KCNIP4: variants seen among roughly 807,000 people sequenced by gnomAD.
KCNIP4 encodes the protein potassium voltage-gated channel interacting protein 4.
KCNIP4 carries 12 observed loss-of-function variants against 34.0 expected under a neutral mutation model. The ratio of observed to expected loss-of-function variants is 0.35; its 90% CI spans 0.23 to 0.57. KCNIP4 has a LOEUF of 0.57. Ranked by LOEUF, KCNIP4 falls within the 20% of genes least tolerant of loss-of-function variation. The probability of loss-of-function intolerance (pLI) is 0.83; values close to 1 mark genes in which losing one functional copy is unlikely to be tolerated. For synonymous variants in KCNIP4, 124 were observed against 102.2 expected, an observed-to-expected ratio of 1.21 and a Z score of -1.29; for missense variants, 238 against 311.7, an observed-to-expected ratio of 0.76 and a Z score of 1.78.
intron 1 of KCNIP4, among the ~76,000 whole-genome samples, chr4:21,806,246 T>G (rs1459279): frequency 2.5e-4 from 38 of 152,292 alleles, no homozygotes; most frequent in African/African-American, 8.9e-4. Flanking sequence ...CATTGTGTCA[T>G]GTAGCATCAC....
chr4:21,866,801 G>C (rs1013302870), intron 1 of KCNIP4, among the ~76,000 whole-genome samples: 1 of 111,542 alleles, frequency 9.0e-6, no homozygotes, highest in Non-Finnish European at 1.7e-5. Flanking sequence ...ATGGAGTCTC[G>C]CTCTGTCGCC....
rs955771191 is a variant in KCNIP4 at position 21,412,180 on chromosome 4, C to T, written c.62-529471G>A. ...AGCCTCTAGTCTAACCATTTTGTAGCTCTTTGACAGCTGCTTATCATACAC... is the reference window on the plus strand; with the variant it reads ...AGCCTCTAGTCTAACCATTTTGTAGTTCTTTGACAGCTGCTTATCATACAC... On this transcript the variant is annotated intron_variant, in intron 1 of 8. Transcript: ENST00000382152. Among the ~76,000 whole-genome samples, 19 of 152,144 alleles carry T rather than the reference C, an allele frequency of 1.2e-4. 1 individual carries two copies. The highest frequency in any genetic ancestry group is 4.4e-5 in the Non-Finnish European group (3 of 68,036).
intron 1 of KCNIP4, among the ~76,000 whole-genome samples, chr4:21,430,465 G>A (rs967346010): frequency 3.9e-4 from 60 of 151,966 alleles, no homozygotes; most frequent in African/African-American, 1.3e-3. Flanking sequence ...CCATATACCC[G>A]CTATCAACAT....
At chr4:20,888,360 T>C (rs1237452378) in intron 1 of KCNIP4, among the ~76,000 whole-genome samples, 5 of 152,182 alleles carry the variant, frequency 3.3e-5, no homozygotes, top group Non-Finnish European at 4.4e-5. Context: ...TCAGACTATA[T>C]ATCTTTTATG....
chr4:21,695,803 G>T (rs983034811), intron 1 of KCNIP4, among the ~76,000 whole-genome samples: 1 of 152,122 alleles, frequency 6.6e-6, no homozygotes, highest in African/African-American at 2.4e-5. Flanking sequence ...CTCATGGAAA[G>T]CTTTCTTTTA....
At chr4:21,255,878 A>T (rs1006915085) in intron 1 of KCNIP4, among the ~76,000 whole-genome samples, 2 of 152,148 alleles carry the variant, frequency 1.3e-5, no homozygotes, top group African/African-American at 4.8e-5. Flanking sequence ...TCATTCATTT[A>T]TTAATTCAAT....
chr4:21,446,001 C>T (rs915239919), intron 1 of KCNIP4, among the ~76,000 whole-genome samples: 2 of 152,190 alleles, frequency 1.3e-5, no homozygotes, highest in Non-Finnish European at 2.9e-5. Flanking sequence ...GACATTTATG[C>T]AGCCAACAGA....
At chr4:21,298,528 C>T (rs938412133) in intron 1 of KCNIP4, among the ~76,000 whole-genome samples, 1 of 152,078 alleles carries the variant, frequency 6.6e-6, no homozygotes, top group African/African-American at 2.4e-5. Flanking sequence ...TTTCTCCAAT[C>T]ACCAGCCCTT....
At chr4:21,803,292 A>G (rs1030504625) in intron 1 of KCNIP4, among the ~76,000 whole-genome samples, 1 of 152,162 alleles carries the variant, frequency 6.6e-6, no homozygotes, top group African/African-American at 2.4e-5. Context: ...AATATATCCA[A>G]GAAGAGTCTA....
At chr4:21,848,771 T>G (rs1360745188) in intron 1 of KCNIP4, 2 of 152,116 alleles carry the variant, frequency 1.3e-5, no homozygotes, top group Admixed American at 6.5e-5. Flanking sequence ...CCTTAAATTA[T>G]TTCTGGAGAA....
At chr4:20,734,154 A>T (rs1281643995) in intron 6 of KCNIP4, among the ~76,000 whole-genome samples, 1 of 152,118 alleles carries the variant, frequency 6.6e-6, no homozygotes, top group Non-Finnish European at 1.5e-5. Flanking sequence ...GTGTAATACG[A>T]GTATCTTAAT....
chr4:21,709,774 T>C (rs751832561), intron 1 of KCNIP4, among the ~76,000 whole-genome samples: 14 of 152,124 alleles, frequency 9.2e-5, no homozygotes, highest in Non-Finnish European at 2.1e-4. Context: ...CACAGAAACA[T>C]ATATACTCAG....
At chr4:21,563,142 A>C (rs1389727913) in intron 1 of KCNIP4, among the ~76,000 whole-genome samples, 1 of 152,004 alleles carries the variant, frequency 6.6e-6, no homozygotes, top group Non-Finnish European at 1.5e-5. Context: ...TAATTTTGCA[A>C]TGCTAATAAC....
chr4:21,089,354 C>T (rs187276567), intron 1 of KCNIP4, among the ~76,000 whole-genome samples: 9 of 152,264 alleles, frequency 5.9e-5, no homozygotes, highest in South Asian at 2.1e-4. Context: ...CCTTCCACCA[C>T]GATTGTAAAT....
intron 3 of KCNIP4, among the ~76,000 whole-genome samples, chr4:20,822,131 C>T (rs116109047): frequency 0.018 from 2,774 of 152,022 alleles, 90 homozygotes; most frequent in African/African-American, 0.064. Flanking sequence ...AACAGAAAAC[C>T]CACAGAGTGG....
rs374669460 is a variant in KCNIP4, at chr4:21,121,095, T to G, written c.62-238386A>C. Among the ~76,000 whole-genome samples, 61 of 152,284 alleles carry G rather than the reference T, an allele frequency of 4.0e-4. No individual in the cohort carries two copies. The East Asian group carries it at 0.011, about 27-fold the overall frequency. On this transcript the variant is annotated intron_variant, in intron 1 of 8. Coordinates refer to ENST00000382152, the MANE Select transcript of KCNIP4 (RefSeq NM_025221.6). ...CCATCTTATTCTGGAATGGCATAAG[T>G]GCTTTCTTGTCCCCAATTCTCCAGC... is the stretch of plus-strand genomic sequence containing the variant.
chr4:21,085,277 C>G (rs1746322381), intron 1 of KCNIP4, among the ~76,000 whole-genome samples: 1 of 152,082 alleles, frequency 6.6e-6, no homozygotes, highest in Admixed American at 6.6e-5. Flanking sequence ...TATCGGCAAA[C>G]CAGAAAGGCC....
chr4:21,736,932 A>T (rs1577920949), intron 1 of KCNIP4, among the ~76,000 whole-genome samples: 1 of 152,132 alleles, frequency 6.6e-6, no homozygotes, highest in Non-Finnish European at 1.5e-5. Context: ...TTTAATTAAG[A>T]TTGTATCTTA....
intron 3 of KCNIP4, among the ~76,000 whole-genome samples, chr4:20,795,219 T>A (rs1025039401): frequency 1.3e-5 from 2 of 152,150 alleles, no homozygotes; most frequent in Non-Finnish European, 2.9e-5. Context: ...GTGTCTTCTT[T>A]ATGGGAAGAT....
Sources: allele counts gnomAD v4.1 joint callset (sites outside exome capture counted in the v4.1 genomes callset), GRCh38; gene constraint gnomAD v4.1.1; transcripts MANE v1.5; gene names NCBI Gene and HGNC (gene_info 2026-07-23, HGNC 2026-07-21).